Variants in DIAPH1 observed in about 807,000 individuals in gnomAD.
DIAPH1 encodes the protein protein diaphanous homolog 1.
A neutral mutation model predicts 140.7 loss-of-function variants in DIAPH1; 46 were observed. The ratio of observed to expected loss-of-function variants is 0.33; its 90% CI spans 0.26 to 0.42. The LOEUF (loss-of-function observed/expected upper bound fraction) is 0.42, where lower values mean the gene tolerates loss of function less well. Ranked by LOEUF, DIAPH1 falls within the 10% of genes least tolerant of loss-of-function variation. DIAPH1 has a pLI of 1.00. For synonymous variants in DIAPH1, 565 were observed against 551.6 expected, an observed-to-expected ratio of 1.02 and a Z score of -0.34; for missense variants, 1,310 against 1,558.7, an observed-to-expected ratio of 0.84 and a Z score of 2.69.
In DIAPH1 at chr5:141,582,466, G is replaced by GC. The variant is rs146008347; in HGVS notation, c.621-92dup. On this transcript the variant is annotated intron_variant, in intron 6 of 27. Transcript: ENST00000389054. ...GCAAACAAGGTTCTTAGGAACAACA[G>GC]CCCCATCTAGCAGATGAGTAAATTT... 4.6e-4 allele frequency: 425 copies of GC among 922,268 alleles called. 4 individuals are homozygous for GC. In the African/African-American group the frequency reaches 6.2e-3, roughly 14 times the overall value. 57.1% of individuals were successfully genotyped at this position (922,268 alleles called of 1,614,324 possible).
In DIAPH1 at chr5:141,524,703, C is replaced by T. The variant is rs547543031; in HGVS notation, c.3575-474G>A. On this transcript the variant is annotated intron_variant, in intron 26 of 27. Coordinates refer to ENST00000389054, the MANE Select transcript of DIAPH1 (RefSeq NM_005219.5). ...GAAGTACTGCCTCCAGTGGCTAAGT[C>T]TTCCTGATGTCTAAGTCCTCTGCAT... is the stretch of plus-strand genomic sequence containing the variant. 32 of 249,404 alleles carry T rather than the reference C, an allele frequency of 1.3e-4. 1 individual carries two copies. The South Asian group carries it at 1.5e-3, about 11-fold the overall frequency. 15.4% of individuals were successfully genotyped at this position (249,404 alleles called of 1,614,324 possible). A position where few individuals can be genotyped will look rare whatever the true frequency, so the allele number is the denominator to read the frequency against.
intron 19 of DIAPH1, among the ~76,000 whole-genome samples, chr5:141,530,732 T>C (rs558604103): frequency 2.0e-5 from 3 of 152,262 alleles, no homozygotes; most frequent in South Asian, 2.1e-4. Flanking sequence ...CTTATCCTAC[T>C]TAAAAATAAA....
intron 16 of DIAPH1, among the ~76,000 whole-genome samples, chr5:141,573,271 C>T (rs891216000): frequency 6.6e-6 from 1 of 151,972 alleles, no homozygotes; most frequent in Non-Finnish European, 1.5e-5. Flanking sequence ...CCCGTCTCTA[C>T]TAAAAATACA....
At chr5:141,615,504 G>A (rs2099902529) in intron 1 of DIAPH1, among the ~76,000 whole-genome samples, 1 of 151,752 alleles carries the variant, frequency 6.6e-6, no homozygotes, top group Non-Finnish European at 1.5e-5. Flanking sequence ...CACTTTGGGA[G>A]GCCGAGGTGG....
Position 141,573,980 on chromosome 5 carries a change from C to A in DIAPH1, c.1870G>T (p.Gly624Cys). 1 of 1,545,338 alleles carries A rather than the reference C, an allele frequency of 6.5e-7. No homozygotes were observed. Among genetic ancestry groups the A allele is most frequent in the Non-Finnish European group, 8.7e-7 (1 of 1,144,654 alleles). Residue 624 changes from glycine (G) to cysteine (C), a missense_variant, in exon 16 of 28, where the codon GGT (glycine) becomes TGT (cysteine). Around this residue, in one of 3 missense-constraint regions of DIAPH1, gnomAD observed 589 missense variants for 549.3 expected, o/e 1.07. Coordinates refer to ENST00000389054, the MANE Select transcript of DIAPH1 (RefSeq NM_005219.5). ...PPPPPPPLPG[G>C]VCISSPPSLP... ...GAAGGGGGTGAGGAGATGCAAACAC[C>A]CCCAGGCAAAGGAGGTGGAGGAGGA...
In DIAPH1 at chr5:141,526,350, A is replaced by G. The variant is rs183167083; in HGVS notation, c.3385T>C (p.Leu1129=). 4 of 1,614,122 alleles carry G rather than the reference A, an allele frequency of 2.5e-6. No individual in the cohort carries two copies. In the East Asian group the frequency reaches 6.7e-5, roughly 27 times the overall value. ...TCCATGAAAAATTCTTCAACAGACA[A>G]CTTCTTGGGGTCAAAGAGGAAGTAC... ...GEYFLFDPKK[L]SVEEFFMDLH... The change falls in exon 25 of 28, where the codon TTG becomes CTG. Residue 1129 remains leucine, a synonymous_variant. Transcript: ENST00000389054.
At chr5:141,555,839 G>T (rs2154595752) in intron 18 of DIAPH1, among the ~76,000 whole-genome samples, 1 of 152,292 alleles carries the variant, frequency 6.6e-6, no homozygotes, top group Non-Finnish European at 1.5e-5. Context: ...CTGCAATCCT[G>T]ACCTATTCAG....
chr5:141,543,300 A>G (rs1027657770), intron 18 of DIAPH1, among the ~76,000 whole-genome samples: 6 of 152,210 alleles, frequency 3.9e-5, no homozygotes, highest in Non-Finnish European at 2.9e-5. Flanking sequence ...TTGACACAAC[A>G]TGTCCATGAC....
intron 18 of DIAPH1, among the ~76,000 whole-genome samples, chr5:141,556,219 C>T (rs2099892554): frequency 1.3e-5 from 2 of 152,120 alleles, no homozygotes; most frequent in South Asian, 4.1e-4. Context: ...CCGGCCCCAA[C>T]ACAGTATTAT....
In DIAPH1 at chr5:141,525,118, G is replaced by A. The variant is rs1440813573; in HGVS notation, c.3575-889C>T. 2.6e-5 allele frequency among the ~76,000 whole-genome samples: 4 copies of A among 152,302 alleles called. No individual in the cohort carries two copies. In the East Asian group the frequency reaches 7.7e-4, roughly 29 times the overall value. ...GGAAGGTGAAGGATACTTGGTGTGG[G>A]CTTTAATAGCATTACGAAGTTGTGG... is the stretch of plus-strand genomic sequence containing the variant. On this transcript the variant is annotated intron_variant, in intron 26 of 27. Coordinates refer to ENST00000389054, the MANE Select transcript of DIAPH1 (RefSeq NM_005219.5).
chr5:141,615,911 G>A (rs1160664905), intron 1 of DIAPH1, among the ~76,000 whole-genome samples: 6 of 152,176 alleles, frequency 3.9e-5, no homozygotes, highest in Non-Finnish European at 1.5e-5. Flanking sequence ...TTCCCCTTAC[G>A]TATATTTTGG....
At chr5:141,566,963 A>T (rs2099894480) in intron 18 of DIAPH1, among the ~76,000 whole-genome samples, 1 of 152,166 alleles carries the variant, frequency 6.6e-6, no homozygotes, top group African/African-American at 2.4e-5. Context: ...AGTGGTATTG[A>T]GAGAAAACCA....
At chr5:141,552,533 T>C (rs145638195) in intron 18 of DIAPH1, among the ~76,000 whole-genome samples, 250 of 152,190 alleles carry the variant, frequency 1.6e-3, no homozygotes, top group East Asian at 0.016. Flanking sequence ...GGAAAGGAAA[T>C]AGATTCTTCT....
intron 19 of DIAPH1, among the ~76,000 whole-genome samples, chr5:141,534,033 C>CAAA (rs35815835): frequency 0.012 from 600 of 49,672 alleles, 19 homozygotes; most frequent in East Asian, 0.034. Context: ...GACTGTGTCT[C>CAAA]AAAAAAAAAA....
At chr5:141,519,227 A>G (rs895200607) in intron 27 of DIAPH1, among the ~76,000 whole-genome samples, 1 of 152,018 alleles carries the variant, frequency 6.6e-6, no homozygotes, top group Admixed American at 6.6e-5. Flanking sequence ...TACCACCAAA[A>G]TCTTCCTCAG....
chr5:141,571,483 A>G, intron 17 of DIAPH1, 47 bp from the exon 18 acceptor site: 1 of 1,560,452 alleles, frequency 6.4e-7, no homozygotes. Context: ...AATATTGGAA[A>G]GAAATGGAAG....
Position 141,573,731 on chromosome 5 carries a change from A to T in DIAPH1, c.2119T>A (p.Leu707Met). 2 of 1,283,168 alleles carry T rather than the reference A, an allele frequency of 1.6e-6. No homozygotes were observed. The highest frequency in any genetic ancestry group is 2.0e-6 in the Non-Finnish European group (2 of 979,656). 79.5% of individuals were successfully genotyped at this position (1,283,168 alleles called of 1,614,324 possible). A position where few individuals can be genotyped will look rare whatever the true frequency, so the allele number is the denominator to read the frequency against. Residue 707 changes from leucine (L) to methionine (M), a missense_variant, in exon 16 of 28, where the codon TTG becomes ATG. Around this residue, in one of 3 missense-constraint regions of DIAPH1, gnomAD observed 589 missense variants for 549.3 expected, o/e 1.07. Coordinates refer to ENST00000389054, the MANE Select transcript of DIAPH1 (RefSeq NM_005219.5). ...SAGIPPPPPP[L>M]PGEAGMPPPP... is the part of the protein sequence containing the mutation. ...GGTGGCATTCCTGCTTCTCCAGGCA[A>T]GGGAGGAGGTGGGGGGGGAATTCCA...
intron 1 of DIAPH1, among the ~76,000 whole-genome samples, chr5:141,599,371 A>G (rs2099899798): frequency 1.3e-5 from 2 of 152,250 alleles, no homozygotes; most frequent in Non-Finnish European, 2.9e-5. Flanking sequence ...GTTAAGGCTA[A>G]GTTGTAATAG....
intron 3 of DIAPH1, among the ~76,000 whole-genome samples, chr5:141,586,001 T>C (rs142953822): frequency 8.5e-5 from 13 of 152,362 alleles, no homozygotes; most frequent in African/African-American, 3.1e-4. Flanking sequence ...TATCTGGCAC[T>C]ACTAGGCAAG....
Sources: gnomAD v4.1 joint callset for allele counts (sites outside exome capture counted in the v4.1 genomes callset) on GRCh38, gnomAD v4.1.1 for gene constraint, gnomAD v4.1.1 regional missense constraint, MANE v1.5 for transcripts, NCBI Gene and HGNC (gene_info 2026-07-23, HGNC 2026-07-21) for gene names.